PHACTR1: variants seen among roughly 807,000 people sequenced by gnomAD.
PHACTR1 encodes the protein RPEL repeat containing 1.
A neutral mutation model predicts 69.2 loss-of-function variants in PHACTR1; 16 were observed. The ratio of observed to expected loss-of-function variants is 0.23; its 90% CI spans 0.16 to 0.35. PHACTR1 has a LOEUF of 0.35. Among genes scored for constraint, PHACTR1 ranks in the 10% least tolerant of loss-of-function variants. The pLI, the probability that PHACTR1 is intolerant of heterozygous loss-of-function variation, is 1.00. For synonymous variants in PHACTR1, 312 were observed against 284.5 expected, an observed-to-expected ratio of 1.10 and a Z score of -0.97; for missense variants, 510 against 734.7, an observed-to-expected ratio of 0.69 and a Z score of 3.54.
chr6:13,029,005 T>G (rs1262705505), intron 4 of PHACTR1, among the ~76,000 whole-genome samples: 1 of 152,182 alleles, frequency 6.6e-6, no homozygotes, highest in Non-Finnish European at 1.5e-5. Context: ...TTTTGGATAT[T>G]AGCAGTAATA....
intron 5 of PHACTR1, among the ~76,000 whole-genome samples, chr6:13,120,252 T>C (rs1818494718): frequency 6.6e-6 from 1 of 152,068 alleles, no homozygotes; most frequent in South Asian, 2.1e-4. Context: ...CTTCTCCCTC[T>C]CTCCTTCTCT....
At chr6:13,065,134 C>T (rs1015239228) in intron 5 of PHACTR1, among the ~76,000 whole-genome samples, 2 of 152,004 alleles carry the variant, frequency 1.3e-5, no homozygotes, top group Non-Finnish European at 2.9e-5. Flanking sequence ...ATGGAGGGCT[C>T]CTTGGGTATA....
chr6:13,051,004 G>A (rs1043873620), intron 4 of PHACTR1, among the ~76,000 whole-genome samples: 5 of 151,876 alleles, frequency 3.3e-5, no homozygotes, highest in African/African-American at 1.2e-4. Context: ...GATTGTTCTC[G>A]CTGTCAAGGA....
At chr6:13,080,412 G>A (rs76360334) in intron 5 of PHACTR1, among the ~76,000 whole-genome samples, 2,010 of 152,122 alleles carry the variant, frequency 0.013, 52 homozygotes, top group African/African-American at 0.046. Flanking sequence ...TTGGAACTGG[G>A]GTGTGTAAGG....
At chr6:12,868,827 A>C (rs921291141) in intron 4 of PHACTR1, among the ~76,000 whole-genome samples, 7 of 152,146 alleles carry the variant, frequency 4.6e-5, no homozygotes, top group African/African-American at 1.4e-4. Flanking sequence ...TTAGAACAAA[A>C]AGAAAATAAT....
At chr6:12,737,365 T>C (rs1395804792) in intron 3 of PHACTR1, among the ~76,000 whole-genome samples, 1 of 151,228 alleles carries the variant, frequency 6.6e-6, no homozygotes, top group Non-Finnish European at 1.5e-5. Flanking sequence ...ATGTGGCACA[T>C]GATGGTATAT....
intron 4 of PHACTR1, among the ~76,000 whole-genome samples, chr6:12,993,375 A>C (rs908212833): frequency 1.8e-4 from 28 of 152,348 alleles, no homozygotes; most frequent in African/African-American, 6.7e-4. Flanking sequence ...ATACTCATTC[A>C]TTAGTTGAGA....
intron 3 of PHACTR1, among the ~76,000 whole-genome samples, chr6:12,737,919 C>T (rs1004479845): frequency 6.6e-6 from 1 of 152,146 alleles, no homozygotes; most frequent in Non-Finnish European, 1.5e-5. Flanking sequence ...TCTTCCATAA[C>T]CACAGCGCAT....
chr6:13,060,108 A>G (rs1807456417), intron 5 of PHACTR1, among the ~76,000 whole-genome samples: 1 of 152,178 alleles, frequency 6.6e-6, no homozygotes, highest in Admixed American at 6.6e-5. Context: ...GGACACCAAG[A>G]ACAGAAGGCA....
At chr6:13,200,109 C>T (rs1379840338) in intron 7 of PHACTR1, among the ~76,000 whole-genome samples, 1 of 152,208 alleles carries the variant, frequency 6.6e-6, no homozygotes, top group Non-Finnish European at 1.5e-5. Flanking sequence ...GCATCCTGGC[C>T]TTGAGTGCTG....
rs149441906 is a variant in PHACTR1, at chr6:13,154,362, G to A, written c.416-5842G>A. Among the ~76,000 whole-genome samples, 416 of 152,156 alleles carry A rather than the reference G, an allele frequency of 2.7e-3. 4 individuals are homozygous for A. The highest frequency in any genetic ancestry group is 9.5e-3 in the African/African-American group (394 of 41,480). On this transcript the variant is annotated intron_variant, in intron 5 of 14. Transcript: ENST00000332995. ...TTTAGTAGAAATGGGGTTTCACCAT[G>A]TTGGCTAGGCTGATCTTGAACTCCT... is the stretch of plus-strand genomic sequence containing the variant.
chr6:13,119,165 T>C (rs1561856005), intron 5 of PHACTR1, among the ~76,000 whole-genome samples: 1 of 152,172 alleles, frequency 6.6e-6, no homozygotes, highest in Non-Finnish European at 1.5e-5. Context: ...TCTCACATGG[T>C]GGAAGATAGC....
chr6:12,936,647 C>A (rs1487954622), intron 4 of PHACTR1, among the ~76,000 whole-genome samples: 1 of 152,208 alleles, frequency 6.6e-6, no homozygotes, highest in East Asian at 1.9e-4. Context: ...ATGCACTTTT[C>A]ACATTTTTCC....
chr6:12,930,767 T>G (rs1286771147), intron 4 of PHACTR1, among the ~76,000 whole-genome samples: 1 of 152,064 alleles, frequency 6.6e-6, no homozygotes, highest in African/African-American at 2.4e-5. Context: ...AGGTGACAAA[T>G]GAGCCGGGCA....
chr6:12,805,670 G>A (rs1480550066), intron 4 of PHACTR1, among the ~76,000 whole-genome samples: 2 of 150,648 alleles, frequency 1.3e-5, no homozygotes, highest in African/African-American at 2.4e-5. Context: ...GCAAGATCTC[G>A]GCTCACTGCA....
Position 13,283,840 on chromosome 6 carries a change from T to C in PHACTR1, c.1650+278T>C. 1 of 456,352 alleles carries C rather than the reference T, an allele frequency of 2.2e-6. No individual in the cohort carries two copies. The highest frequency in any genetic ancestry group is 4.0e-6 in the Non-Finnish European group (1 of 247,202). The allele number at this position is 456,352 out of a possible 1,614,324, so 28.3% of individuals were successfully genotyped here. A position where few individuals can be genotyped will look rare whatever the true frequency, so the allele number is the denominator to read the frequency against. ...TGTGCCCAGAGAAAGAGAATAGCAC[T>C]GGATAGGTGTAGACAGGTGAAGGCA... is the stretch of plus-strand genomic sequence containing the variant. On this transcript the variant is annotated intron_variant, in intron 13 of 14. Coordinates refer to ENST00000332995, the MANE Select transcript of PHACTR1 (RefSeq NM_030948.6). The surrounding 1 kb of genome is among the most constrained non-coding windows in gnomAD (Gnocchi z 4.7).
chr6:13,221,225 A>T (rs1005705372), intron 8 of PHACTR1, among the ~76,000 whole-genome samples: 1 of 152,158 alleles, frequency 6.6e-6, no homozygotes, highest in African/African-American at 2.4e-5. Flanking sequence ...AAGTGGTCTG[A>T]TATGGCTGGA....
At chr6:13,226,903 A>G (rs892654896) in intron 8 of PHACTR1, among the ~76,000 whole-genome samples, 4 of 151,902 alleles carry the variant, frequency 2.6e-5, no homozygotes, top group African/African-American at 9.7e-5. Flanking sequence ...ACACCCAGCT[A>G]ATTTTTGTAT....
At chr6:12,789,994 T>A (rs2151220) in intron 4 of PHACTR1, among the ~76,000 whole-genome samples, 148,276 of 150,740 alleles carry the variant, frequency 0.98, 72,976 homozygotes, top group Middle Eastern at 1. Context: ...TATTTCCAGT[T>A]TCTGACCACA....
Sources: allele counts gnomAD v4.1 joint callset (sites outside exome capture counted in the v4.1 genomes callset), GRCh38; gene constraint gnomAD v4.1.1; non-coding constraint Gnocchi (gnomAD v3.1); transcripts MANE v1.5; gene names NCBI Gene and HGNC (gene_info 2026-07-23, HGNC 2026-07-21).